Variants in ARSB observed in about 807,000 individuals in gnomAD.
ARSB encodes the protein arylsulfatase B, also known as N-acetylgalactosamine-4-sulfatase.
In ARSB, 41 loss-of-function variants were observed where a neutral mutation model predicts 50.9. The observed-to-expected ratio is 0.81, with a 90% confidence interval of 0.63 to 1.04. The LOEUF (loss-of-function observed/expected upper bound fraction) is 1.04. ARSB is among the 50% of genes least tolerant of loss of function. ARSB has a pLI of 0.00. For synonymous variants in ARSB, 269 were observed against 284.8 expected (o/e 0.94, Z 0.56); for missense variants, 672 against 693.3 (o/e 0.97, Z 0.35).
chr5:78,810,683 A>G (rs569246953), intron 6 of ARSB, among the ~76,000 whole-genome samples: 1 of 152,358 alleles, frequency 6.6e-6, no homozygotes, highest in African/African-American at 2.4e-5. Flanking sequence ...TTAAGAAAAT[A>G]CAAGGCCCTC....
chr5:78,820,511 A>G (rs576514213), intron 6 of ARSB, among the ~76,000 whole-genome samples: 2 of 152,244 alleles, frequency 1.3e-5, no homozygotes, highest in Admixed American at 6.5e-5. Flanking sequence ...CAGTGAGTCG[A>G]AATCGCACCA....
chr5:78,950,034 A>G (rs1042522233), intron 4 of ARSB, among the ~76,000 whole-genome samples: 8 of 152,184 alleles, frequency 5.3e-5, no homozygotes, highest in Admixed American at 2.6e-4. Context: ...CTCATGACCT[A>G]GTTACTCAAG....
chr5:78,834,105 C>T (rs962816603), intron 6 of ARSB, among the ~76,000 whole-genome samples: 8 of 152,144 alleles, frequency 5.3e-5, no homozygotes, highest in Non-Finnish European at 8.8e-5. Flanking sequence ...ATTAACCCAA[C>T]AACTTACTAC....
intron 6 of ARSB, among the ~76,000 whole-genome samples, chr5:78,813,707 A>G (rs564566661): frequency 1.3e-5 from 2 of 152,210 alleles, no homozygotes; most frequent in African/African-American, 4.8e-5. Context: ...CAGTGAGCCG[A>G]GAGGATGCCT....
At chr5:78,849,587 A>G (rs1044182845) in intron 5 of ARSB, among the ~76,000 whole-genome samples, 6 of 152,096 alleles carry the variant, frequency 3.9e-5, no homozygotes, top group East Asian at 1.9e-4. Context: ...GTTTTTTCCA[A>G]TTCTGTGAAG....
chr5:78,863,920 T>A (rs1156449399), intron 5 of ARSB, among the ~76,000 whole-genome samples: 1 of 152,038 alleles, frequency 6.6e-6, no homozygotes, highest in Non-Finnish European at 1.5e-5. Flanking sequence ...ACATGTGAAT[T>A]TTTAGATTTT....
At chr5:78,848,343 T>TA (rs1745562603) in intron 5 of ARSB, among the ~76,000 whole-genome samples, 1 of 48,842 alleles carries the variant, frequency 2.0e-5, no homozygotes, top group Non-Finnish European at 4.3e-5. Flanking sequence ...TTGCGATAGT[T>TA]TACTGAGAAT....
chr5:78,911,611 A>AAAAAAAAAAG, intron 4 of ARSB, among the ~76,000 whole-genome samples: 1 of 114,772 alleles, frequency 8.7e-6, no homozygotes, highest in East Asian at 2.3e-4. Context: ...AAAAAAAAAA[A>AAAAAAAAAAG]GAATAACTTG....
At chr5:78,856,765 C>T (rs540052563) in intron 5 of ARSB, among the ~76,000 whole-genome samples, 1 of 152,152 alleles carries the variant, frequency 6.6e-6, no homozygotes. Context: ...TTAGGTAATG[C>T]TACAAATACT....
intron 4 of ARSB, among the ~76,000 whole-genome samples, chr5:78,942,439 T>A (rs1368439422): frequency 1.3e-5 from 2 of 152,246 alleles, no homozygotes; most frequent in Non-Finnish European, 2.9e-5. Flanking sequence ...AATTTCCCTC[T>A]ACACACTGCT....
At chr5:78,804,035 G>C (rs898369214) in intron 6 of ARSB, among the ~76,000 whole-genome samples, 1 of 152,182 alleles carries the variant, frequency 6.6e-6, no homozygotes, top group Non-Finnish European at 1.5e-5. Flanking sequence ...TGAGTGAAAG[G>C]TATAAGCAGG....
At chr5:78,903,585 A>C (rs1440782499) in intron 4 of ARSB, among the ~76,000 whole-genome samples, 1 of 152,070 alleles carries the variant, frequency 6.6e-6, no homozygotes, top group Non-Finnish European at 1.5e-5. Context: ...TTTATACTGC[A>C]TTTTTTCAGC....
chr5:78,881,165 G>C (rs1747730079), intron 5 of ARSB, among the ~76,000 whole-genome samples: 1 of 152,104 alleles, frequency 6.6e-6, no homozygotes, highest in Non-Finnish European at 1.5e-5. Context: ...CCAGGAGGCA[G>C]AGATCGCAGT....
intron 6 of ARSB, among the ~76,000 whole-genome samples, chr5:78,834,753 A>T (rs1744871338): frequency 6.6e-6 from 1 of 151,022 alleles, no homozygotes; most frequent in Non-Finnish European, 1.5e-5. Flanking sequence ...ATGAGTGTAC[A>T]AATACCTGTT....
At chr5:78,785,214 T>C (rs1749045554) in intron 6 of ARSB, among the ~76,000 whole-genome samples, 1 of 151,760 alleles carries the variant, frequency 6.6e-6, no homozygotes, top group Non-Finnish European at 1.5e-5. Flanking sequence ...CCTTTTATTT[T>C]CTTTGGGCTT....
intron 6 of ARSB, among the ~76,000 whole-genome samples, chr5:78,792,892 G>A (rs55790749): frequency 0.029 from 4,410 of 152,246 alleles, 205 homozygotes; most frequent in African/African-American, 0.099. Flanking sequence ...CAAAGGGAAC[G>A]AGGTATTGTT....
In ARSB at chr5:78,985,114, GGGCGGCCGGCTGGCCCC is replaced by G. The variant is rs398123123; in HGVS notation, c.118_134del (p.Gly40ProfsTer81). 6.7e-7 allele frequency: 1 copy of G among 1,499,846 alleles called. No homozygotes were observed. The highest frequency in any genetic ancestry group is 8.9e-7 in the Non-Finnish European group (1 of 1,122,716). The allele number at this position is 1,499,846 out of a possible 1,614,324, so 92.9% of individuals were successfully genotyped here. A position where few individuals can be genotyped will look rare whatever the true frequency, so the allele number is the denominator to read the frequency against. ...CGTCTGCCAGCAAGAAGACCAGGTGGGGCGGCCGGCTGGCCCCGGCGCCCGAGCCCGGCGGCGCCAAC... is the reference window on the plus strand; with the variant it reads ...CGTCTGCCAGCAAGAAGACCAGGTGGGGCGCCCGAGCCCGGCGGCGCCAAC... On this transcript the variant is annotated frameshift_variant, in exon 1 of 8. Transcript: ENST00000264914. LOFTEE classifies it high-confidence loss of function.
Position 78,780,088 on chromosome 5 carries a change from T to C in ARSB, c.*309A>G. ...TTGTGAGTCTAAAAGAGCCAGCTGT[T>C]CCAGCCTCCAGGATTCAGTGAGAAC... On this transcript the variant is annotated 3_prime_UTR_variant, in exon 8 of 8. Transcript: ENST00000264914. 2.6e-6 allele frequency: 1 copy of C among 385,200 alleles called. No homozygotes were observed. Among genetic ancestry groups the C allele is most frequent in the Middle Eastern group, 8.1e-4 (1 of 1,230 alleles). 23.9% of individuals were successfully genotyped at this position (385,200 alleles called of 1,614,324 possible). A position where few individuals can be genotyped will look rare whatever the true frequency, so the allele number is the denominator to read the frequency against.
At chr5:78,944,578 G>T (rs950212572) in intron 4 of ARSB, among the ~76,000 whole-genome samples, 2 of 152,192 alleles carry the variant, frequency 1.3e-5, no homozygotes, top group Non-Finnish European at 2.9e-5. Flanking sequence ...CAGCAGTGGA[G>T]GCTGCAGAAC....
Sources: gnomAD v4.1 joint callset for allele counts (sites outside exome capture counted in the v4.1 genomes callset) on GRCh38, gnomAD v4.1.1 for gene constraint, MANE v1.5 for transcripts, NCBI Gene and HGNC (gene_info 2026-07-23, HGNC 2026-07-21) for gene names.